The following ANK2 variants were observed in gnomAD, a reference collection of about 807,000 sequenced individuals.
ANK2 encodes the protein ankyrin-2.
Under a neutral mutation model 360.5 loss-of-function variants are expected in ANK2, and 83 were observed. The ratio of observed to expected loss-of-function variants is 0.23; its 90% CI spans 0.19 to 0.28. The LOEUF (loss-of-function observed/expected upper bound fraction) is 0.28. Ranked by LOEUF, ANK2 falls within the 10% of genes least tolerant of loss-of-function variation. The probability of loss-of-function intolerance (pLI) is 1.00; values close to 1 mark genes in which losing one functional copy is unlikely to be tolerated. For synonymous variants in ANK2, 1,740 were observed against 1,759.5 expected (o/e 0.99, Z 0.28); for missense variants, 4,201 against 4,795.7 (o/e 0.88, Z 3.66).
chr4:113,367,059 T>C (rs1386537758), intron 41 of ANK2, among the ~76,000 whole-genome samples: 1 of 152,234 alleles, frequency 6.6e-6, no homozygotes, highest in Non-Finnish European at 1.5e-5. Flanking sequence ...AAAAGAGTAC[T>C]ATCCTTATAG....
chr4:113,189,198 C>A (rs2098606434), intron 2 of ANK2, among the ~76,000 whole-genome samples: 1 of 152,058 alleles, frequency 6.6e-6, no homozygotes, highest in Non-Finnish European at 1.5e-5. Flanking sequence ...GAAATTGATA[C>A]CAAACACCAT....
At chr4:112,814,913 G>T (rs1034741561), upstream of ANK2, among the ~76,000 whole-genome samples, 1 of 152,162 alleles carries the variant, frequency 6.6e-6, no homozygotes, top group Non-Finnish European at 1.5e-5. Context: ...ACTGTATGGG[G>T]GGTGTTGGTA....
chr4:112,966,588 A>G (rs1341766526), intron 2 of ANK2, among the ~76,000 whole-genome samples: 1 of 152,102 alleles, frequency 6.6e-6, no homozygotes, highest in Non-Finnish European at 1.5e-5. Flanking sequence ...TTCCTTTATC[A>G]GTGTCACTTT....
At chr4:112,819,863 C>T (rs545446258) in intron 1 of ANK2, among the ~76,000 whole-genome samples, 2 of 152,310 alleles carry the variant, frequency 1.3e-5, no homozygotes, top group East Asian at 1.9e-4. Context: ...TAGACGAGCA[C>T]GGTGTGAGGA....
chr4:113,181,995 G>A (rs1215134748), intron 2 of ANK2, among the ~76,000 whole-genome samples: 1 of 41,968 alleles, frequency 2.4e-5, no homozygotes, highest in Non-Finnish European at 4.6e-5. Context: ...AGGCTGAAAG[G>A]GAACAAGGGC....
At chr4:113,235,255 A>G (rs1276713719) in intron 5 of ANK2, among the ~76,000 whole-genome samples, 1 of 152,202 alleles carries the variant, frequency 6.6e-6, no homozygotes, top group East Asian at 1.9e-4. Context: ...ATTTGTGCCA[A>G]ACAAAGTTCT....
chr4:113,004,891 T>C (rs1244096470), intron 2 of ANK2, among the ~76,000 whole-genome samples: 1 of 152,198 alleles, frequency 6.6e-6, no homozygotes, highest in Non-Finnish European at 1.5e-5. Flanking sequence ...TGCTGCCATA[T>C]ATAGTGTCCA....
chr4:113,336,484 T>G, intron 30 of ANK2, 93 bp from the exon 31 acceptor site: 1 of 1,220,874 alleles, frequency 8.2e-7, no homozygotes, highest in African/African-American at 1.5e-5. Flanking sequence ...AAAAAATACT[T>G]TGGGGAAGAA....
chr4:112,990,362 A>G (rs1448451701), intron 2 of ANK2, among the ~76,000 whole-genome samples: 3 of 152,170 alleles, frequency 2.0e-5, no homozygotes, highest in African/African-American at 7.2e-5. Flanking sequence ...GTCTCTCACT[A>G]ATAGTCAAGG....
chr4:112,975,647 A>G (rs981964863), intron 2 of ANK2, among the ~76,000 whole-genome samples: 2 of 152,178 alleles, frequency 1.3e-5, no homozygotes, highest in African/African-American at 4.8e-5. Flanking sequence ...TTCTATAAAT[A>G]AGATGCAGCA....
chr4:113,254,834 G>A (rs1172064869), intron 10 of ANK2, among the ~76,000 whole-genome samples: 6 of 152,128 alleles, frequency 3.9e-5, no homozygotes, highest in Non-Finnish European at 7.4e-5. Context: ...GATACTTGGC[G>A]AACAATCCTT....
intron 2 of ANK2, among the ~76,000 whole-genome samples, chr4:113,043,127 AG>A: frequency 6.6e-6 from 1 of 152,266 alleles, no homozygotes; most frequent in East Asian, 1.9e-4. Flanking sequence ...AGAAAGACAT[AG>A]GTGAGAGGAA....
chr4:112,842,892 T>C (rs1235429350), intron 1 of ANK2, among the ~76,000 whole-genome samples: 1 of 152,262 alleles, frequency 6.6e-6, no homozygotes, highest in East Asian at 1.9e-4. Flanking sequence ...TCACTAGGGC[T>C]GAAAGCGAGG....
chr4:112,733,204 A>G, the ANK2 span, among the ~76,000 whole-genome samples: 2 of 152,282 alleles, frequency 1.3e-5, no homozygotes, highest in African/African-American at 4.8e-5. Flanking sequence ...CGACAAAACA[A>G]GACGCTGCCT....
intron 1 of ANK2, chr4:112,826,308 T>A (rs2058393645): frequency 1.3e-6 from 1 of 744,636 alleles, no homozygotes; most frequent in Non-Finnish European, 2.1e-6. Context: ...TAGTCTGTTT[T>A]GCTTCAGACT....
Position 112,850,331 on chromosome 4 carries a change from G to GTCCATCCATCCATCCATCCATCCATCCA in ANK2, c.-40+32068_-40+32095dup, listed in dbSNP as rs139812761. 3.2e-3 allele frequency among the ~76,000 whole-genome samples: 454 copies of GTCCATCCATCCATCCATCCATCCATCCA among 143,104 alleles called. 7 individuals carry two copies. The highest frequency in any genetic ancestry group is 0.013 in the Admixed American group (178 of 13,962). 93.9% of individuals were successfully genotyped at this position (143,104 alleles called of 152,430 possible). On this transcript the variant is annotated intron_variant, in intron 1 of 30. Coordinates refer to the ANK2 transcript ENST00000503271. ...TGTTCATCCATCCATCCATTCATCT[G>GTCCATCCATCCATCCATCCATCCATCCA]TCCATCCATCCATCCATCCATCCAT...
At chr4:112,829,719 G>A (rs760047906) in intron 1 of ANK2, among the ~76,000 whole-genome samples, 2 of 152,042 alleles carry the variant, frequency 1.3e-5, no homozygotes, top group Non-Finnish European at 2.9e-5. Flanking sequence ...ACTTTGGGAG[G>A]CTGAGGCTGG....
In ANK2 at chr4:113,097,576, G is replaced by T. The variant is rs970616400; in HGVS notation, c.84+47764G>T. Among the ~76,000 whole-genome samples the T allele has an allele frequency of 2.7e-4, 41 of 151,992 alleles. 1 individual carries two copies. The highest frequency in any genetic ancestry group is 9.4e-4 in the African/African-American group (39 of 41,486). On this transcript the variant is annotated intron_variant, in intron 1 of 45. Coordinates refer to ENST00000357077, the MANE Select transcript of ANK2 (RefSeq NM_001148.6). ...TGTTAGAGAAAAAGCTACTGCTTTT[G>T]GTACATGTTCATTTCAGGAAGCACT...
chr4:113,270,395 G>T (rs1264450140), intron 14 of ANK2, among the ~76,000 whole-genome samples: 1 of 151,870 alleles, frequency 6.6e-6, no homozygotes, highest in Middle Eastern at 3.2e-3. Flanking sequence ...AGCACCACTG[G>T]CAACAGAGTC....
Sources: allele counts gnomAD v4.1 joint callset (sites outside exome capture counted in the v4.1 genomes callset), GRCh38; gene constraint gnomAD v4.1.1; transcripts MANE v1.5; gene names NCBI Gene and HGNC (gene_info 2026-07-23, HGNC 2026-07-21).